The following PNPLA6 variants were observed in gnomAD, a reference collection of about 807,000 sequenced individuals.
The protein encoded by PNPLA6 is patatin-like phospholipase domain-containing protein 6.
In PNPLA6, 105 loss-of-function variants were observed where a neutral mutation model predicts 153.7. The ratio of observed to expected loss-of-function variants is 0.68; its 90% CI spans 0.58 to 0.80. The LOEUF is 0.80. Among genes scored for constraint, PNPLA6 ranks in the 30% least tolerant of loss-of-function variants. The pLI, the probability that PNPLA6 is intolerant of heterozygous loss-of-function variation, is 0.00. For synonymous variants in PNPLA6, 825 were observed against 822.2 expected, an observed-to-expected ratio of 1.00 and a Z score of -0.06; for missense variants, 1,423 against 1,919.3, an observed-to-expected ratio of 0.74 and a Z score of 4.83.
intron 13 of PNPLA6, among the ~76,000 whole-genome samples, chr19:7,548,951 C>T (rs2023516842): frequency 1.3e-5 from 2 of 150,076 alleles, no homozygotes; most frequent in South Asian, 2.1e-4. Context: ...TACAGGCGCC[C>T]GCCACCACGC....
chr19:7,542,836 G>T lies in PNPLA6; in HGVS notation c.1438G>T (p.Gly480Cys). 1 of 1,613,028 alleles carries T rather than the reference G, an allele frequency of 6.2e-7. No homozygotes were observed. The highest frequency in any genetic ancestry group is 8.5e-7 in the Non-Finnish European group (1 of 1,179,878). ...CTACTGTGAGGATGAGTCGGCCACTGGTGGCTGCCCTTTCGGGCCCTACCA... is the reference window on the plus strand; with the variant it reads ...CTACTGTGAGGATGAGTCGGCCACTTGTGGCTGCCCTTTCGGGCCCTACCA... ...YSYCEDESAT[G>C]GCPFGPYQGR... is the part of the protein sequence containing the mutation. Residue 480 changes from glycine (G) to cysteine (C), a missense_variant, in exon 12 of 32, where the codon GGT becomes TGT. Gly to Cys is a radical substitution (Grantham distance 159). Coordinates refer to ENST00000600737, the MANE Select transcript of PNPLA6 (RefSeq NM_001166114.2).
At chr19:7,548,036 A>C (rs516028) in intron 13 of PNPLA6, among the ~76,000 whole-genome samples, 1 of 150,942 alleles carries the variant, frequency 6.6e-6, no homozygotes, top group African/African-American at 2.4e-5. Flanking sequence ...ATTGTCTTGG[A>C]CCACACATAA....
In PNPLA6 at chr19:7,545,709, C is replaced by T. The variant is rs139509262; in HGVS notation, c.1608+2625C>T. On this transcript the variant is annotated intron_variant, in intron 13 of 31. Transcript: ENST00000600737. Reference sequence around the variant, plus strand: ...AGAGGATCACTTGAGGTCAGGAGTTCGAGACCATCCTGGCCAACATGGTGA... The same window carrying T: ...AGAGGATCACTTGAGGTCAGGAGTTTGAGACCATCCTGGCCAACATGGTGA... Among the ~76,000 whole-genome samples, 171 of 151,898 alleles carry T rather than the reference C, an allele frequency of 1.1e-3. 1 individual carries two copies. In the East Asian group the frequency reaches 0.025, roughly 22 times the overall value.
At chr19:7,535,666 T>C, upstream of PNPLA6, 3 of 1,542,016 alleles carry the variant, frequency 1.9e-6, no homozygotes, top group Non-Finnish European at 2.6e-6. The surrounding 1 kb of genome is among the most constrained non-coding windows in gnomAD (Gnocchi z 5.0). Flanking sequence ...CATTACGTGG[T>C]CTGGCGATAA....
rs202063739 is a variant in PNPLA6, at chr19:7,556,447, C to A, written c.3094-6C>A. The A allele has an allele frequency of 1.2e-5, 19 of 1,584,800 alleles. No homozygotes were observed. The highest frequency in any genetic ancestry group is 1.5e-5 in the Non-Finnish European group (17 of 1,153,508). On this transcript the variant is annotated splice_region_variant and splice_polypyrimidine_tract_variant and intron_variant, in intron 24 of 31. Transcript: ENST00000600737. ...TATTTGACCCTGTCTGGCCCCTTGTCCCTAGAGCATGACTTCGGTGCTGGA... is the reference window on the plus strand; with the variant it reads ...TATTTGACCCTGTCTGGCCCCTTGTACCTAGAGCATGACTTCGGTGCTGGA...
chr19:7,535,436 G>C, upstream of PNPLA6: 1 of 1,106,276 alleles, frequency 9.0e-7, no homozygotes. The surrounding 1 kb of genome is among the most constrained non-coding windows in gnomAD (Gnocchi z 5.0). Context: ...GCTGGGGGCA[G>C]GGCTTGAGGC....
At chr19:7,535,677 C>A, upstream of PNPLA6, 1 of 1,532,920 alleles carries the variant, frequency 6.5e-7, no homozygotes, top group South Asian at 1.2e-5. The surrounding 1 kb of genome is among the most constrained non-coding windows in gnomAD (Gnocchi z 5.0). Context: ...CTGGCGATAA[C>A]GCGCTGCGTC....
In PNPLA6 at chr19:7,551,173, T is replaced by C. The variant is rs3745350; in HGVS notation, c.2184+66T>C. On this transcript the variant is annotated intron_variant, in intron 17 of 31. Coordinates refer to ENST00000600737, the MANE Select transcript of PNPLA6 (RefSeq NM_001166114.2). ...ACTCCGGGGGGGTGGGGGCCGGGCC[T>C]AGTGTGTGGGCGGGGCTTACAGAGG... 25,685 of 1,039,280 alleles carry C rather than the reference T, an allele frequency of 0.025. 1,774 individuals are homozygous for C. The highest frequency in any genetic ancestry group is 0.17 in the Admixed American group (8,293 of 47,656). The allele number at this position is 1,039,280 out of a possible 1,614,324, so 64.4% of individuals were successfully genotyped here. A position where few individuals can be genotyped will look rare whatever the true frequency, so the allele number is the denominator to read the frequency against.
chr19:7,541,850 T>C lies in PNPLA6; in HGVS notation c.1169-134T>C. ...GACTCCTATCTGGTACCGAGGAAGC[T>C]GTGGCCTCGTCCCCAAGGGCCCATT... On this transcript the variant is annotated intron_variant, in intron 9 of 31. Coordinates refer to ENST00000600737, the MANE Select transcript of PNPLA6 (RefSeq NM_001166114.2). This position sits in a 1 kb window ranked among gnomAD's most constrained non-coding sequence, Gnocchi z 5.2. The C allele has an allele frequency of 9.0e-7, 1 of 1,112,560 alleles. No individual in the cohort carries two copies. The highest frequency in any genetic ancestry group is 1.3e-6 in the Non-Finnish European group (1 of 752,646). The allele number at this position is 1,112,560 out of a possible 1,614,324, so 68.9% of individuals were successfully genotyped here. A position where few individuals can be genotyped will look rare whatever the true frequency, so the allele number is the denominator to read the frequency against.
In PNPLA6 at chr19:7,540,721, A is replaced by G. The variant is rs763937165; in HGVS notation, c.795+11A>G. 2.5e-6 allele frequency: 4 copies of G among 1,609,154 alleles called. No homozygotes were observed. Among genetic ancestry groups the G allele is most frequent in the Non-Finnish European group, 2.6e-6 (3 of 1,175,512 alleles). On this transcript the variant is annotated intron_variant, in intron 6 of 31. Coordinates refer to ENST00000600737, the MANE Select transcript of PNPLA6 (RefSeq NM_001166114.2). This position sits in a 1 kb window ranked among gnomAD's most constrained non-coding sequence, Gnocchi z 6.8. ...CTGGATGTCATCACCGTGAGTGACC[A>G]GTTTCTGAGGCAGGGGGGCTGGGGT...
chr19:7,553,816 G>A, intron 18 of PNPLA6, 59 bp from the exon 19 acceptor site: 4 of 1,604,290 alleles, frequency 2.5e-6, no homozygotes, highest in Non-Finnish European at 3.4e-6. Context: ...GGAGGAGGAG[G>A]GTTCATCTCT....
intron 27 of PNPLA6, among the ~76,000 whole-genome samples, chr19:7,557,986 C>T (rs73921458): frequency 0.042 from 6,447 of 152,242 alleles, 449 homozygotes; most frequent in African/African-American, 0.15. Flanking sequence ...CTTACACACA[C>T]GTGTACACAC....
Position 7,556,630 on chromosome 19 carries a change from C to T in PNPLA6, c.3211-25C>T, listed in dbSNP as rs45449499. The T allele has an allele frequency of 1.9e-6, 3 of 1,600,970 alleles. No individual in the cohort carries two copies. The South Asian group carries it at 3.3e-5, about 18-fold the overall frequency. On this transcript the variant is annotated intron_variant, in intron 25 of 31. Transcript: ENST00000600737. ...CCCCGGAGGAGCCCCCTGCTCCTCC[C>T]CCACCTCGATCCCTGTCCCCGCAGG...
chr19:7,561,592 C>T lies in PNPLA6; in HGVS notation c.*30C>T. 2 of 1,507,388 alleles carry T rather than the reference C, an allele frequency of 1.3e-6. No homozygotes were observed. The highest frequency in any genetic ancestry group is 9.0e-7 in the Non-Finnish European group (1 of 1,111,068). 93.4% of individuals were successfully genotyped at this position (1,507,388 alleles called of 1,614,324 possible). On this transcript the variant is annotated 3_prime_UTR_variant, in exon 32 of 32. Coordinates refer to ENST00000600737, the MANE Select transcript of PNPLA6 (RefSeq NM_001166114.2). The stretch of plus-strand genomic sequence containing the variant: ...CTCGACAGGGGTCACCCCCTCCCTC[C>T]CACCCCTGGACTGGGCTGGGGGTGG...
Position 7,561,516 on chromosome 19 carries a change from G to A in PNPLA6, c.4052G>A (p.Arg1351Gln), listed in dbSNP as rs779790168. 34 of 1,609,094 alleles carry A rather than the reference G, an allele frequency of 2.1e-5. No individual in the cohort carries two copies. In the South Asian group the frequency reaches 2.9e-4, roughly 14 times the overall value. ...GAGGAGAAGTCGATTCTCCGGCAAC[G>A]ACGCTGTCTGCCCCAGGAGCCGCCC... ...MEEEKSILRQ[R>Q]RCLPQEPPGS... Residue 1351 changes from arginine to glutamine, a missense_variant, in exon 32 of 32, where the codon CGA (arginine) becomes CAA (glutamine). Around this residue, in one of 10 missense-constraint regions of PNPLA6, gnomAD observed 643 missense variants for 835.2 expected, o/e 0.77. Transcript: ENST00000600737.
chr19:7,554,046 T>C, intron 19 of PNPLA6, 31 bp downstream of exon 19: 1 of 535,354 alleles, frequency 1.9e-6, no homozygotes, highest in Non-Finnish European at 3.0e-6. Context: ...GGGTGGGGGC[T>C]GGCGGTGGGT....
Position 7,560,671 on chromosome 19 carries a change from G to C in PNPLA6, c.3723G>C (p.Lys1241Asn), listed in dbSNP as rs1347589242. 1 of 1,613,638 alleles carries C rather than the reference G, an allele frequency of 6.2e-7. No homozygotes were observed. The highest frequency in any genetic ancestry group is 1.7e-5 in the Admixed American group (1 of 60,014). The change falls in exon 29 of 32, where the codon AAG becomes AAC. Residue 1241 changes from lysine (K) to asparagine (N), a missense_variant. Around this residue, in one of 10 missense-constraint regions of PNPLA6, gnomAD observed 643 missense variants for 835.2 expected, o/e 0.77. Transcript: ENST00000600737. ...QIYDVGYQYG[K>N]AVFGGWSRGN... ...AGGATGTGGGCTACCAGTACGGGAA[G>C]GCGGTGTTTGGAGGCTGGAGCCGTG...
chr19:7,552,401 C>T (rs1440123496), intron 18 of PNPLA6, among the ~76,000 whole-genome samples: 1 of 152,192 alleles, frequency 6.6e-6, no homozygotes, highest in African/African-American at 2.4e-5. Context: ...ACCCAATTGG[C>T]CCTGAGCCCT....
rs1420455246 is a variant in PNPLA6 at position 7,555,410 on chromosome 19, C to T, written c.2936+43C>T. Reference sequence around the variant, plus strand: ...TCTCTGGGGGCGGGGCCTGGATGTCCGAGGGTGGAGCTTCCTGGGAGAAAC... The same window carrying T: ...TCTCTGGGGGCGGGGCCTGGATGTCTGAGGGTGGAGCTTCCTGGGAGAAAC... On this transcript the variant is annotated intron_variant, in intron 23 of 31. Transcript: ENST00000600737. The surrounding 1 kb of genome is among the most constrained non-coding windows in gnomAD (Gnocchi z 6.3). The T allele has an allele frequency of 7.0e-7, 1 of 1,420,966 alleles. No homozygotes were observed. The highest frequency in any genetic ancestry group is 9.6e-7 in the Non-Finnish European group (1 of 1,040,184). 88.0% of individuals were successfully genotyped at this position (1,420,966 alleles called of 1,614,324 possible).
Sources: allele counts gnomAD v4.1 joint callset (sites outside exome capture counted in the v4.1 genomes callset), GRCh38; gene constraint gnomAD v4.1.1; regional missense constraint gnomAD v4.1.1; non-coding constraint Gnocchi (gnomAD v3.1); transcripts MANE v1.5; gene names NCBI Gene and HGNC (gene_info 2026-07-23, HGNC 2026-07-21).